The following LOXL3 variants were observed in gnomAD, a reference collection of about 807,000 sequenced individuals.
The protein encoded by LOXL3 is lysyl oxidase homolog 3.
Under a neutral mutation model 91.8 loss-of-function variants are expected in LOXL3, and 60 were observed. The ratio of observed to expected loss-of-function variants is 0.65; its 90% CI spans 0.53 to 0.81. The LOEUF is 0.81. Ranked by LOEUF, LOXL3 falls within the 30% of genes least tolerant of loss-of-function variation. The probability of loss-of-function intolerance (pLI) is 0.00; values close to 1 mark genes in which losing one functional copy is unlikely to be tolerated. For synonymous variants in LOXL3, 355 were observed against 387.6 expected, an observed-to-expected ratio of 0.92 and a Z score of 0.99; for missense variants, 874 against 1,000.4, an observed-to-expected ratio of 0.87 and a Z score of 1.70.
chr2:74,535,170 C>G lies in LOXL3; in HGVS notation c.1579+122G>C. 1.7e-6 allele frequency: 2 copies of G among 1,144,350 alleles called. No homozygotes were observed. Among genetic ancestry groups the G allele is most frequent in the South Asian group, 3.1e-5 (2 of 64,200 alleles). The allele number at this position is 1,144,350 out of a possible 1,614,324, so 70.9% of individuals were successfully genotyped here. ...GGGATTACAGGCGTGAGCCACTGCA[C>G]CCGGCGAAACTGGCTCTTTTATGGG... is the stretch of plus-strand genomic sequence containing the variant. On this transcript the variant is annotated intron_variant, in intron 9 of 13. Transcript: ENST00000264094. This position sits in a 1 kb window ranked among gnomAD's most constrained non-coding sequence, Gnocchi z 4.2.
intron 2 of LOXL3, among the ~76,000 whole-genome samples, chr2:74,550,673 G>C (rs1476363447): frequency 6.6e-6 from 1 of 152,122 alleles, no homozygotes; most frequent in South Asian, 2.1e-4. Flanking sequence ...TGTGTGCCAG[G>C]TGCTCTGCCA....
intron 1 of LOXL3, 86 bp from the exon 2 acceptor site, chr2:74,552,732 A>G: frequency 8.5e-7 from 1 of 1,174,406 alleles, no homozygotes; most frequent in Non-Finnish European, 1.2e-6. Context: ...GTCACGAAAG[A>G]AAAACAGACA....
At position 74,536,876 on chromosome 2, in the gene LOXL3, C is replaced by T. The variant is rs778516841; in HGVS notation, c.745G>A (p.Val249Met). The T allele has an allele frequency of 1.1e-5, 17 of 1,614,088 alleles. No homozygotes were observed. The African/African-American group carries it at 1.1e-4, about 10-fold the overall frequency. Residue 249 changes from valine (V) to methionine (M), a missense_variant, in exon 5 of 14, where the codon GTG (valine) becomes ATG (methionine). Transcript: ENST00000264094. This position sits in a 1 kb window ranked among gnomAD's most constrained non-coding sequence, Gnocchi z 4.5. Reference sequence around the variant, plus strand: ...AGGGAGAGGTGGGCCTCCGTGCCCACGCACGCCACCCCATGCAGACCAAAG... The same window carrying T: ...AGGGAGAGGTGGGCCTCCGTGCCCATGCACGCCACCCCATGCAGACCAAAG... ...HSFGLHGVAC[V>M]GTEAHLSLCS...
At position 74,536,189 on chromosome 2, in the gene LOXL3, G is replaced by C. The variant is rs752592569; in HGVS notation, c.1094-39C>G. ...GCAAAGATCAGGAAGTTGTAATTAAGCATATATTGTCTGCCCAGGGGACAC... is the reference window on the plus strand; with the variant it reads ...GCAAAGATCAGGAAGTTGTAATTAACCATATATTGTCTGCCCAGGGGACAC... On this transcript the variant is annotated intron_variant, in intron 6 of 13. Transcript: ENST00000264094. This position sits in a 1 kb window ranked among gnomAD's most constrained non-coding sequence, Gnocchi z 4.5. The C allele has an allele frequency of 6.2e-6, 10 of 1,612,188 alleles. No homozygotes were observed. The highest frequency in any genetic ancestry group is 2.2e-5 in the East Asian group (1 of 44,876).
rs745848046 is a variant in LOXL3, at chr2:74,536,924, G to C, written c.697C>G (p.Leu233Val). Residue 233 changes from leucine (L) to valine (V), a missense_variant, in exon 5 of 14, where the codon CTA becomes GTA. Leu to Val is a conservative substitution (Grantham distance 32, BLOSUM62 1). Transcript: ENST00000264094. This position sits in a 1 kb window ranked among gnomAD's most constrained non-coding sequence, Gnocchi z 4.5. ...AAGGAGTGTTGCTGCCGTTGGGCTA[G>C]CAGCCTAGGGGGACAGGAGTGAGGT... ...KRVNAAFYRL[L>V]AQRQQHSFGL... The C allele has an allele frequency of 3.7e-6, 6 of 1,613,988 alleles. No homozygotes were observed. The highest frequency in any genetic ancestry group is 8.5e-7 in the Non-Finnish European group (1 of 1,179,906).
At chr2:74,545,721 A>T (rs1676552349) in intron 4 of LOXL3, among the ~76,000 whole-genome samples, 1 of 151,632 alleles carries the variant, frequency 6.6e-6, no homozygotes, top group East Asian at 1.9e-4. Flanking sequence ...TTCCTACCTC[A>T]CCTCACTGTT....
rs746665790 is a variant in LOXL3 at position 74,532,902 on chromosome 2, C to T, written c.*704G>A. ...TGCTGAAGATGTTTATGAAGCTGTT[C>T]GAACCCAATCCCAGTTGGCAGTGCA... On this transcript the variant is annotated 3_prime_UTR_variant, in exon 14 of 14. Coordinates refer to ENST00000264094, the MANE Select transcript of LOXL3 (RefSeq NM_032603.5). 7.4e-6 allele frequency: 12 copies of T among 1,613,902 alleles called. No homozygotes were observed. The highest frequency in any genetic ancestry group is 1.3e-5 in the African/African-American group (1 of 74,874).
upstream of LOXL3, chr2:74,554,404 CTTT>C: frequency 3.0e-5 from 9 of 295,746 alleles, no homozygotes; most frequent in South Asian, 9.5e-5. The surrounding 1 kb of genome is among the most constrained non-coding windows in gnomAD (Gnocchi z 4.9). Flanking sequence ...GCCCGGGGCG[CTTT>C]CGGGGTGATG....
Position 74,536,918 on chromosome 2 carries a change from G to T in LOXL3, c.703C>A (p.Gln235Lys). ...VNAAFYRLLA[Q>K]RQQHSFGLHG... ...AGACCAAAGGAGTGTTGCTGCCGTTGGGCTAGCAGCCTAGGGGGACAGGAG... is the reference window on the plus strand; with the variant it reads ...AGACCAAAGGAGTGTTGCTGCCGTTTGGCTAGCAGCCTAGGGGGACAGGAG... The change falls in exon 5 of 14, where the codon CAA becomes AAA. Residue 235 changes from glutamine to lysine, a missense_variant. By Grantham distance (53) the Gln-to-Lys change is moderately conservative. Transcript: ENST00000264094. The surrounding 1 kb of genome is among the most constrained non-coding windows in gnomAD (Gnocchi z 4.5). The T allele has an allele frequency of 6.2e-7, 1 of 1,614,114 alleles. No homozygotes were observed. Among genetic ancestry groups the T allele is most frequent in the Non-Finnish European group, 8.5e-7 (1 of 1,179,986 alleles).
chr2:74,543,932 AAG>A (rs1676466211), intron 4 of LOXL3, among the ~76,000 whole-genome samples: 2 of 151,274 alleles, frequency 1.3e-5, no homozygotes. Context: ...AAGAAAAGAA[AAG>A]AAAAAAAAGA....
In LOXL3 at chr2:74,533,039, G is replaced by A; in HGVS notation, c.*567C>T. The A allele has an allele frequency of 1.3e-6, 2 of 1,585,018 alleles. No individual in the cohort carries two copies. Among genetic ancestry groups the A allele is most frequent in the Non-Finnish European group, 1.7e-6 (2 of 1,157,178 alleles). On this transcript the variant is annotated 3_prime_UTR_variant, in exon 14 of 14. Coordinates refer to ENST00000264094, the MANE Select transcript of LOXL3 (RefSeq NM_032603.5). ...CTCTGATTTCCTCCTTGCCTTTCTGGCTGAGGTTCTGAGGGCACCGAGACA... is the reference window on the plus strand; with the variant it reads ...CTCTGATTTCCTCCTTGCCTTTCTGACTGAGGTTCTGAGGGCACCGAGACA...
intron 12 of LOXL3, 38 bp downstream of exon 12, chr2:74,534,062 C>G: frequency 1.2e-6 from 2 of 1,612,786 alleles, no homozygotes; most frequent in Non-Finnish European, 1.7e-6. Context: ...TTAACGCTCC[C>G]CCCACTCACC....
At chr2:74,542,461 G>C (rs1202707254) in intron 4 of LOXL3, among the ~76,000 whole-genome samples, 1 of 151,600 alleles carries the variant, frequency 6.6e-6, no homozygotes, top group African/African-American at 2.4e-5. Context: ...TCTCAGTCCT[G>C]CATACCATTT....
At chr2:74,552,147 G>C (rs1677055948) in intron 2 of LOXL3, among the ~76,000 whole-genome samples, 175 bp downstream of exon 2, 1 of 152,128 alleles carries the variant, frequency 6.6e-6, no homozygotes, top group Non-Finnish European at 1.5e-5. Flanking sequence ...ACTAGCCTAA[G>C]GTCACACAGC....
intron 4 of LOXL3, among the ~76,000 whole-genome samples, chr2:74,543,551 C>T (rs537572361): frequency 8.3e-4 from 127 of 152,238 alleles, no homozygotes; most frequent in African/African-American, 2.8e-3. Context: ...TCTCTCCAAT[C>T]CATATCTTTT....
In LOXL3 at chr2:74,536,526, C is replaced by A; in HGVS notation, c.913-55G>T. On this transcript the variant is annotated intron_variant, in intron 5 of 13. Coordinates refer to ENST00000264094, the MANE Select transcript of LOXL3 (RefSeq NM_032603.5). This position sits in a 1 kb window ranked among gnomAD's most constrained non-coding sequence, Gnocchi z 4.5. ...CAAATGGCAACATCTGCACGGAGGG[C>A]TAAGCAGACCTGGGAGATGAGTGAG... The A allele has an allele frequency of 6.4e-7, 1 of 1,553,396 alleles. No individual in the cohort carries two copies. The highest frequency in any genetic ancestry group is 1.2e-5 in the South Asian group (1 of 85,424).
At chr2:74,550,104 T>C (rs1325256117) in intron 3 of LOXL3, 81 bp downstream of exon 3, 3 of 1,516,484 alleles carry the variant, frequency 2.0e-6, no homozygotes, top group Non-Finnish European at 2.6e-6. Context: ...GGTAACTACC[T>C]TCTAATGTCT....
upstream of LOXL3, chr2:74,555,688 G>C: frequency 1.9e-6 from 3 of 1,613,490 alleles, no homozygotes; most frequent in Non-Finnish European, 2.5e-6. The surrounding 1 kb of genome is among the most constrained non-coding windows in gnomAD (Gnocchi z 6.1). Context: ...TCAGAAGCCC[G>C]GGCAGGGATG....
chr2:74,553,246 C>T (rs1677141536), intron 1 of LOXL3, among the ~76,000 whole-genome samples: 1 of 152,060 alleles, frequency 6.6e-6, no homozygotes, highest in Non-Finnish European at 1.5e-5. Context: ...GCCCTGGGAT[C>T]ACAGATCCCC....
Sources: gnomAD v4.1 joint callset for allele counts (sites outside exome capture counted in the v4.1 genomes callset) on GRCh38, gnomAD v4.1.1 for gene constraint, Gnocchi (gnomAD v3.1) non-coding constraint, MANE v1.5 for transcripts, NCBI Gene and HGNC (gene_info 2026-07-23, HGNC 2026-07-21) for gene names.